The following CA10 variants were observed in gnomAD, a reference collection of about 807,000 sequenced individuals.
The protein encoded by CA10 is carbonic anhydrase 10 (inactive), also known as carbonic anhydrase-related protein 10.
CA10 carries 14 observed loss-of-function variants against 44.2 expected under a neutral mutation model. That is an observed-to-expected ratio of 0.32 (90% CI 0.21 to 0.50). The LOEUF (loss-of-function observed/expected upper bound fraction) is 0.50. Ranked by LOEUF, CA10 falls within the 20% of genes least tolerant of loss-of-function variation. CA10 has a pLI of 0.99. For synonymous variants in CA10, 159 were observed against 141.6 expected (o/e 1.12, Z -0.87); for missense variants, 350 against 409.7 (o/e 0.85, Z 1.26).
chr17:51,984,082 A>C (rs1984744802), intron 2 of CA10, among the ~76,000 whole-genome samples: 1 of 151,724 alleles, frequency 6.6e-6, no homozygotes, highest in African/African-American at 2.4e-5. Context: ...GTTTTAATGA[A>C]TTCTGATTCT....
At chr17:51,679,891 C>T (rs751499334) in intron 4 of CA10, among the ~76,000 whole-genome samples, 2 of 152,126 alleles carry the variant, frequency 1.3e-5, no homozygotes, top group African/African-American at 2.4e-5. Context: ...CAAACCAAAA[C>T]AATTGAAGAA....
chr17:51,685,837 CT>C lies in CA10; in HGVS notation c.466-32102del, dbSNP rs1354691214. On this transcript the variant is annotated intron_variant, in intron 4 of 8. Coordinates refer to ENST00000451037, the MANE Select transcript of CA10 (RefSeq NM_020178.5). ...GGGAGGAAAATGATCAAGTTAATTC[CT>C]GCCTCACAGGCACCTGATACGCCAC... 2.6e-5 allele frequency among the ~76,000 whole-genome samples: 4 copies of C among 152,280 alleles called. No homozygotes were observed. The East Asian group carries it at 7.7e-4, about 29-fold the overall frequency.
intron 3 of CA10, among the ~76,000 whole-genome samples, chr17:51,826,523 TC>T (rs1166944269): frequency 6.6e-6 from 1 of 152,202 alleles, no homozygotes; most frequent in Non-Finnish European, 1.5e-5. Context: ...GACCAGATTT[TC>T]CCTGGGTGGA....
chr17:52,089,064 G>A (rs551968403), intron 1 of CA10, among the ~76,000 whole-genome samples: 1 of 152,258 alleles, frequency 6.6e-6, no homozygotes, highest in South Asian at 2.1e-4. Flanking sequence ...GGAACAGGCA[G>A]GATCATGTAA....
intron 3 of CA10, among the ~76,000 whole-genome samples, chr17:51,898,054 T>C (rs1981149694): frequency 6.6e-6 from 1 of 152,112 alleles, no homozygotes; most frequent in African/African-American, 2.4e-5. Flanking sequence ...GGGTGTCTTT[T>C]CTTTCTTTCT....
intron 3 of CA10, among the ~76,000 whole-genome samples, chr17:51,927,296 A>G (rs1438177922): frequency 6.6e-6 from 1 of 152,186 alleles, no homozygotes; most frequent in Non-Finnish European, 1.5e-5. Flanking sequence ...TGTCTATTTT[A>G]TTAAATGAGT....
At chr17:51,700,087 A>G (rs1390285057) in intron 4 of CA10, among the ~76,000 whole-genome samples, 2 of 152,168 alleles carry the variant, frequency 1.3e-5, no homozygotes, top group Non-Finnish European at 2.9e-5. Context: ...ATCAGGTGGT[A>G]GGCTGCACGA....
chr17:52,033,829 C>T (rs1231055274), intron 2 of CA10, among the ~76,000 whole-genome samples: 2 of 152,164 alleles, frequency 1.3e-5, no homozygotes, highest in Admixed American at 6.5e-5. Flanking sequence ...ATAGGGTTTG[C>T]ACTCCTAAGA....
Position 51,717,827 on chromosome 17 carries a change from GTGTATATA to G in CA10, c.465+29798_465+29805del, listed in dbSNP as rs1327318155. 2.9e-4 allele frequency among the ~76,000 whole-genome samples: 3 copies of G among 10,352 alleles called. 1 individual carries two copies. The highest frequency in any genetic ancestry group is 1.0e-3 in the African/African-American group (3 of 2,880). 6.8% of individuals were successfully genotyped at this position (10,352 alleles called of 152,430 possible). On this transcript the variant is annotated intron_variant, in intron 4 of 8. Coordinates refer to ENST00000451037, the MANE Select transcript of CA10 (RefSeq NM_020178.5). ...TATATATACACGTATATATATGTGT[GTGTATATA>G]TATATATATATATATATATATATAT...
chr17:52,069,727 G>A (rs549296280), intron 2 of CA10, among the ~76,000 whole-genome samples: 79 of 152,276 alleles, frequency 5.2e-4, no homozygotes, highest in African/African-American at 1.6e-3. Flanking sequence ...GGGCATTTGC[G>A]TGCTGAATTA....
At chr17:52,127,339 A>T (rs1228738607) in intron 1 of CA10, among the ~76,000 whole-genome samples, 3 of 151,514 alleles carry the variant, frequency 2.0e-5, no homozygotes, top group Admixed American at 6.6e-5. Flanking sequence ...ACTACAGTTT[A>T]CCTACCCCAT....
chr17:51,682,095 T>C (rs956827303), intron 4 of CA10, among the ~76,000 whole-genome samples: 2 of 152,236 alleles, frequency 1.3e-5, no homozygotes, highest in South Asian at 2.1e-4. Flanking sequence ...TGGGGACAGA[T>C]AGAAATAAGA....
At chr17:51,730,716 A>C (rs1916682318) in intron 4 of CA10, among the ~76,000 whole-genome samples, 1 of 152,216 alleles carries the variant, frequency 6.6e-6, no homozygotes, top group African/African-American at 2.4e-5. Flanking sequence ...TAAATAATAT[A>C]ACCTGCAATG....
intron 1 of CA10, among the ~76,000 whole-genome samples, chr17:52,136,373 A>G (rs1989358895): frequency 6.6e-6 from 1 of 152,170 alleles, no homozygotes; most frequent in East Asian, 1.9e-4. Context: ...GGCCCTCGGA[A>G]TGGGGAGGAT....
chr17:51,726,013 T>G (rs1598011445), intron 4 of CA10, among the ~76,000 whole-genome samples: 2 of 152,150 alleles, frequency 1.3e-5, no homozygotes, highest in South Asian at 4.2e-4. Flanking sequence ...GTGATGCTGG[T>G]GGGGTTGGAG....
chr17:52,136,885 T>C (rs1388446936), intron 1 of CA10, among the ~76,000 whole-genome samples: 1 of 152,184 alleles, frequency 6.6e-6, no homozygotes, highest in African/African-American at 2.4e-5. Context: ...CCTAGATTAG[T>C]GAAAGCAACA....
At chr17:52,043,144 T>G (rs1986818455) in intron 2 of CA10, among the ~76,000 whole-genome samples, 1 of 152,100 alleles carries the variant, frequency 6.6e-6, no homozygotes. Flanking sequence ...CCACTGGAAT[T>G]GTGTTGAATC....
At chr17:51,828,067 T>C (rs116712377) in intron 3 of CA10, among the ~76,000 whole-genome samples, 92 of 152,314 alleles carry the variant, frequency 6.0e-4, no homozygotes, top group African/African-American at 2.2e-3. Flanking sequence ...TTGCCACTGT[T>C]TGGACTTAGA....
intron 4 of CA10, among the ~76,000 whole-genome samples, chr17:51,668,694 C>T (rs9892771): frequency 1.4e-3 from 211 of 152,282 alleles, no homozygotes; most frequent in East Asian, 4.7e-3. Context: ...CCCTTCAGCC[C>T]GCTGCTGCAC....
Sources: gnomAD v4.1 joint callset for allele counts (sites outside exome capture counted in the v4.1 genomes callset) on GRCh38, gnomAD v4.1.1 for gene constraint, MANE v1.5 for transcripts, NCBI Gene and HGNC (gene_info 2026-07-23, HGNC 2026-07-21) for gene names.